Variants in ADAM23 observed in about 807,000 individuals in gnomAD.
ADAM23 encodes the protein disintegrin and metalloproteinase domain-containing protein 23.
ADAM23 carries 33 observed loss-of-function variants against 120.1 expected under a neutral mutation model. That is an observed-to-expected ratio of 0.27 (90% CI 0.21 to 0.37). The LOEUF (loss-of-function observed/expected upper bound fraction) is 0.37. Ranked by LOEUF, ADAM23 falls within the 10% of genes least tolerant of loss-of-function variation. The pLI, the probability that ADAM23 is intolerant of heterozygous loss-of-function variation, is 1.00. For synonymous variants in ADAM23, 367 were observed against 375.2 expected, an observed-to-expected ratio of 0.98 and a Z score of 0.25; for missense variants, 862 against 1,058.2, an observed-to-expected ratio of 0.81 and a Z score of 2.57.
At chr2:206,468,773 A>T (rs950606394) in intron 2 of ADAM23, among the ~76,000 whole-genome samples, 2 of 152,182 alleles carry the variant, frequency 1.3e-5, no homozygotes, top group African/African-American at 2.4e-5. Flanking sequence ...TGCAATAAAA[A>T]AATACCTGAG....
intron 18 of ADAM23, among the ~76,000 whole-genome samples, chr2:206,585,376 T>C (rs1343059457): frequency 2.6e-5 from 4 of 152,216 alleles, no homozygotes; most frequent in Non-Finnish European, 1.5e-5. Flanking sequence ...TAGTTGTGTA[T>C]TTCTGCTTTT....
chr2:206,522,761 A>G (rs1696868987), intron 3 of ADAM23, among the ~76,000 whole-genome samples: 1 of 152,138 alleles, frequency 6.6e-6, no homozygotes, highest in African/African-American at 2.4e-5. Flanking sequence ...CTATGTGCAG[A>G]AGATAGGCCT....
chr2:206,565,657 T>C (rs921719416), intron 14 of ADAM23, among the ~76,000 whole-genome samples: 4 of 152,180 alleles, frequency 2.6e-5, no homozygotes, highest in African/African-American at 7.2e-5. Context: ...CCTGGAAATA[T>C]TGCCCTCTTT....
intron 3 of ADAM23, among the ~76,000 whole-genome samples, chr2:206,518,365 A>G (rs1159977933): frequency 6.6e-6 from 1 of 152,184 alleles, no homozygotes. Flanking sequence ...AGATTAAATT[A>G]TGCACCTCTA....
At chr2:206,482,093 C>G (rs1289849893) in intron 3 of ADAM23, among the ~76,000 whole-genome samples, 1 of 152,168 alleles carries the variant, frequency 6.6e-6, no homozygotes, top group Non-Finnish European at 1.5e-5. Context: ...CTATCAAACA[C>G]TATAATGTAA....
chr2:206,525,200 T>TA (rs1486274609), intron 3 of ADAM23, among the ~76,000 whole-genome samples: 3 of 152,218 alleles, frequency 2.0e-5, no homozygotes, highest in Non-Finnish European at 2.9e-5. Context: ...GACTTTTTTT[T>TA]ACCTAGTTCT....
At chr2:206,507,882 G>A (rs765547510) in intron 3 of ADAM23, among the ~76,000 whole-genome samples, 1 of 152,098 alleles carries the variant, frequency 6.6e-6, no homozygotes, top group Admixed American at 6.5e-5. Context: ...GTATTCAATG[G>A]TGATTATAGA....
chr2:206,586,135 A>G (rs1427345623), intron 18 of ADAM23, among the ~76,000 whole-genome samples: 1 of 152,232 alleles, frequency 6.6e-6, no homozygotes, highest in African/African-American at 2.4e-5. Context: ...TGAACAGAAA[A>G]TGATGTCACA....
intron 2 of ADAM23, among the ~76,000 whole-genome samples, chr2:206,458,255 A>C (rs1447986138): frequency 7.7e-4 from 58 of 75,008 alleles, no homozygotes; most frequent in Admixed American, 6.8e-3. Flanking sequence ...CAGGAGGTAC[A>C]TGGGAAATGT....
chr2:206,576,692 A>C (rs1405716223), intron 18 of ADAM23, among the ~76,000 whole-genome samples: 1 of 152,152 alleles, frequency 6.6e-6, no homozygotes, highest in African/African-American at 2.4e-5. Context: ...TTATGACTTT[A>C]TCTCTTTTAC....
chr2:206,465,357 T>C (rs1574481700), intron 2 of ADAM23, among the ~76,000 whole-genome samples: 1 of 152,194 alleles, frequency 6.6e-6, no homozygotes, highest in African/African-American at 2.4e-5. Context: ...TTGCAGATTC[T>C]ATAATTTTTA....
chr2:206,557,699 A>G (rs1697674255), intron 10 of ADAM23, among the ~76,000 whole-genome samples: 1 of 152,200 alleles, frequency 6.6e-6, no homozygotes, highest in South Asian at 2.1e-4. Flanking sequence ...CGGAATCCCA[A>G]AGATACATTA....
chr2:206,523,624 GTC>G (rs1374133033), intron 3 of ADAM23, among the ~76,000 whole-genome samples: 2 of 152,032 alleles, frequency 1.3e-5, no homozygotes, highest in Non-Finnish European at 2.9e-5. Flanking sequence ...GGTGGTATGA[GTC>G]TATTTTTTTT....
intron 19 of ADAM23, among the ~76,000 whole-genome samples, chr2:206,587,589 AAAG>A (rs1698348553): frequency 6.6e-6 from 1 of 152,028 alleles, no homozygotes; most frequent in African/African-American, 2.4e-5. Context: ...AGAAAAAAAA[AAAG>A]AATGTAATGG....
chr2:206,495,815 G>A (rs1228369099), intron 3 of ADAM23, among the ~76,000 whole-genome samples: 3 of 152,062 alleles, frequency 2.0e-5, no homozygotes, highest in Non-Finnish European at 4.4e-5. Flanking sequence ...GATCTACCAA[G>A]CCAATGGAAA....
chr2:206,541,040 G>C (rs1456480013), intron 4 of ADAM23, among the ~76,000 whole-genome samples: 2 of 150,280 alleles, frequency 1.3e-5, no homozygotes, highest in Non-Finnish European at 3.0e-5. Flanking sequence ...TAGTTTTCTT[G>C]ATTAAAAGGT....
intron 6 of ADAM23, among the ~76,000 whole-genome samples, chr2:206,546,910 G>A (rs185735492): frequency 6.6e-6 from 1 of 152,228 alleles, no homozygotes; most frequent in East Asian, 1.9e-4. Flanking sequence ...GGCAAAAAAT[G>A]TAAATGTTTT....
At chr2:206,606,765 T>G (rs75980059) in intron 24 of ADAM23, 1 of 152,190 alleles carries the variant, frequency 6.6e-6, no homozygotes, top group Non-Finnish European at 1.5e-5. Flanking sequence ...ATTATCATGA[T>G]TTTTTTCTTC....
At chr2:206,583,511 T>C (rs952985573) in intron 18 of ADAM23, among the ~76,000 whole-genome samples, 2 of 152,202 alleles carry the variant, frequency 1.3e-5, no homozygotes, top group Admixed American at 1.3e-4. Context: ...TTCTTTGGTT[T>C]GATTGTTTAA....
Sources: allele counts gnomAD v4.1 joint callset (sites outside exome capture counted in the v4.1 genomes callset), GRCh38; gene constraint gnomAD v4.1.1; transcripts MANE v1.5; gene names NCBI Gene and HGNC (gene_info 2026-07-23, HGNC 2026-07-21).